SYCP2L: variants seen among roughly 807,000 people sequenced by gnomAD.
SYCP2L encodes the protein synaptonemal complex protein 2 like.
SYCP2L carries 98 observed loss-of-function variants against 125.8 expected under a neutral mutation model. The ratio of observed to expected loss-of-function variants is 0.78; its 90% CI spans 0.66 to 0.92. The LOEUF is 0.92. Ranked by LOEUF, SYCP2L falls within the 40% of genes least tolerant of loss-of-function variation. The pLI is 0.00. For synonymous variants in SYCP2L, 317 were observed against 325.4 expected (o/e 0.97, Z 0.28); for missense variants, 842 against 936.4 (o/e 0.90, Z 1.32).
intron 8 of SYCP2L, among the ~76,000 whole-genome samples, chr6:10,905,223 A>G (rs540077013): frequency 2.2e-4 from 34 of 151,740 alleles, no homozygotes; most frequent in African/African-American, 7.0e-4. Context: ...TGAATATACA[A>G]TTCAGGAGTC....
In SYCP2L at chr6:10,969,840, GAGA is replaced by G. The variant is rs1252070204; in HGVS notation, c.*38-4108_*38-4106del. ...AGATTTACATGATATTAATTGACTT[GAGA>G]AGATGTTTAACAGTAAGTGAAAAGT... On this transcript the variant is annotated intron_variant, in intron 29 of 29. Transcript: ENST00000283141. Among the ~76,000 whole-genome samples the G allele has an allele frequency of 2.6e-5, 4 of 152,284 alleles. No individual in the cohort carries two copies. The South Asian group carries it at 8.3e-4, about 32-fold the overall frequency.
intron 21 of SYCP2L, among the ~76,000 whole-genome samples, chr6:10,935,878 G>C (rs542406989): frequency 6.6e-6 from 1 of 152,252 alleles, no homozygotes; most frequent in East Asian, 1.9e-4. Flanking sequence ...AAGCCAATGG[G>C]GTGGCTGTCT....
At chr6:10,916,842 A>G (rs1026054945) in intron 14 of SYCP2L, among the ~76,000 whole-genome samples, 1 of 152,172 alleles carries the variant, frequency 6.6e-6, no homozygotes, top group African/African-American at 2.4e-5. Flanking sequence ...ATACAAAAAA[A>G]TTAGCCGGGC....
chr6:10,918,999 C>T (rs1406197308), intron 14 of SYCP2L, among the ~76,000 whole-genome samples: 2 of 151,756 alleles, frequency 1.3e-5, no homozygotes, highest in Non-Finnish European at 2.9e-5. Flanking sequence ...TTTTTATTTC[C>T]TTACATTGGG....
chr6:10,929,704 G>A (rs1345056389), intron 18 of SYCP2L, among the ~76,000 whole-genome samples: 2 of 152,122 alleles, frequency 1.3e-5, no homozygotes, highest in African/African-American at 4.8e-5. Flanking sequence ...GGAGGCCAAG[G>A]TGGGTGGATC....
At chr6:10,888,062 C>A (rs927738547) in intron 1 of SYCP2L, among the ~76,000 whole-genome samples, 1 of 118,450 alleles carries the variant, frequency 8.4e-6, no homozygotes, top group South Asian at 3.0e-4. Flanking sequence ...ATAGGTGTTA[C>A]CATCTTTTTT....
intron 29 of SYCP2L, among the ~76,000 whole-genome samples, chr6:10,964,326 T>A (rs1257653451): frequency 6.6e-6 from 1 of 152,174 alleles, no homozygotes; most frequent in African/African-American, 2.4e-5. Context: ...ATTCCTTCAG[T>A]AAGTGTTTAT....
chr6:10,919,463 G>T (rs965026368), intron 14 of SYCP2L, among the ~76,000 whole-genome samples: 3 of 152,202 alleles, frequency 2.0e-5, no homozygotes, highest in Non-Finnish European at 4.4e-5. Flanking sequence ...ACCAGCACCT[G>T]TTCTGATGGA....
At chr6:10,897,798 C>A (rs1409317971) in intron 4 of SYCP2L, among the ~76,000 whole-genome samples, 1 of 152,136 alleles carries the variant, frequency 6.6e-6, no homozygotes, top group Admixed American at 6.5e-5. Context: ...TTGTGCTGAT[C>A]TCTGAGAGCT....
intron 8 of SYCP2L, among the ~76,000 whole-genome samples, chr6:10,904,731 T>C (rs1890486): frequency 0.79 from 119,656 of 152,122 alleles, 47,215 homozygotes; most frequent in Admixed American, 0.82. Flanking sequence ...GGTACTGTTT[T>C]CTGGTTTCTA....
intron 29 of SYCP2L, among the ~76,000 whole-genome samples, chr6:10,968,092 G>A (rs1781710117): frequency 6.6e-6 from 1 of 152,194 alleles, no homozygotes. Flanking sequence ...TGGGTTCAAT[G>A]GATGGGCATT....
At chr6:10,887,306 T>G (rs1344835598) in intron 1 of SYCP2L, among the ~76,000 whole-genome samples, 171 bp downstream of exon 1, 1 of 152,170 alleles carries the variant, frequency 6.6e-6, no homozygotes, top group Non-Finnish European at 1.5e-5. Context: ...ATTGGCAGCC[T>G]GCGGGGAGAC....
At chr6:10,960,741 C>T (rs575906665) in intron 26 of SYCP2L, among the ~76,000 whole-genome samples, 1 of 149,980 alleles carries the variant, frequency 6.7e-6, no homozygotes, top group Admixed American at 6.6e-5. Flanking sequence ...TCCTTTTGTT[C>T]TCTACTAAAA....
intron 18 of SYCP2L, 22 bp downstream of exon 18, chr6:10,928,472 C>T (rs967487211): frequency 7.7e-6 from 12 of 1,567,772 alleles, no homozygotes; most frequent in East Asian, 7.2e-5. Flanking sequence ...GAGTGGGGCT[C>T]AAGTTTCTTA....
chr6:10,969,197 A>G (rs1331492393), intron 29 of SYCP2L, among the ~76,000 whole-genome samples: 1 of 152,154 alleles, frequency 6.6e-6, no homozygotes, highest in South Asian at 2.1e-4. Flanking sequence ...ATGTAATTCT[A>G]TTTACCTTGA....
At position 10,907,892 on chromosome 6, in the gene SYCP2L, G is replaced by GTTTTTTTT. The variant is rs551103839; in HGVS notation, c.819+219_819+226dup. On this transcript the variant is annotated intron_variant, in intron 10 of 29. Transcript: ENST00000283141. ...GAGCTAGATATAGGGATACAGATAG[G>GTTTTTTTT]TTTTTTTTTTTTTTTTTTGACAGAG... 7.3e-4 allele frequency among the ~76,000 whole-genome samples: 67 copies of GTTTTTTTT among 91,916 alleles called. 16 individuals are homozygous for GTTTTTTTT. In the South Asian group the frequency reaches 9.4e-3, roughly 13 times the overall value. The allele number at this position is 91,916 out of a possible 152,430, so 60.3% of individuals were successfully genotyped here.
chr6:10,942,642 A>C, intron 22 of SYCP2L, 35 bp from the exon 23 acceptor site: 2 of 1,610,740 alleles, frequency 1.2e-6, no homozygotes, highest in East Asian at 2.2e-5. Flanking sequence ...GCTTTGCCAT[A>C]AAGGACGTAA....
At chr6:10,936,007 G>A (rs1039532977) in intron 21 of SYCP2L, among the ~76,000 whole-genome samples, 10 of 151,778 alleles carry the variant, frequency 6.6e-5, no homozygotes, top group African/African-American at 2.2e-4. Context: ...TATTTTGACT[G>A]TGTTTTTAAG....
At chr6:10,966,365 A>G (rs1020937265) in intron 29 of SYCP2L, among the ~76,000 whole-genome samples, 9 of 152,218 alleles carry the variant, frequency 5.9e-5, no homozygotes, top group African/African-American at 2.2e-4. Context: ...TTGAATTTGC[A>G]TAAAACCTAA....
Sources: allele counts gnomAD v4.1 joint callset (sites outside exome capture counted in the v4.1 genomes callset), GRCh38; gene constraint gnomAD v4.1.1; transcripts MANE v1.5; gene names NCBI Gene and HGNC (gene_info 2026-07-23, HGNC 2026-07-21).